Variants in NAALADL2 observed in about 807,000 individuals in gnomAD.
The protein encoded by NAALADL2 is N-acetylated alpha-linked acidic dipeptidase like 2, also known as inactive N-acetylated-alpha-linked acidic dipeptidase-like protein 2.
Under a neutral mutation model 87.2 loss-of-function variants are expected in NAALADL2, and 76 were observed. That is an observed-to-expected ratio of 0.87 (90% confidence interval 0.72 to 1.05). The LOEUF is 1.05. Ranked by LOEUF, NAALADL2 falls within the 50% of genes least tolerant of loss-of-function variation. The pLI, the probability that NAALADL2 is intolerant of heterozygous loss-of-function variation, is 0.00. For synonymous variants in NAALADL2, 354 were observed against 331.0 expected (o/e 1.07, Z -0.75); for missense variants, 1,089 against 945.8 (o/e 1.15, Z -1.99).
Position 175,366,428 on chromosome 3 carries a change from C to T in NAALADL2, c.1090+42103C>T, listed in dbSNP as rs575574489. Reference sequence around the variant, plus strand: ...TTCTAGTTCTAGATCCCTGAGAAATCGCCACACTGACTTCCACAACGGTTG... The same window carrying T: ...TTCTAGTTCTAGATCCCTGAGAAATTGCCACACTGACTTCCACAACGGTTG... On this transcript the variant is annotated intron_variant, in intron 5 of 13. Transcript: ENST00000454872. 3.7e-3 allele frequency among the ~76,000 whole-genome samples: 557 copies of T among 151,770 alleles called. 8 individuals are homozygous for T. The highest frequency in any genetic ancestry group is 0.027 in the Admixed American group (405 of 15,220).
rs545597679 is a variant in NAALADL2 at position 174,555,177 on chromosome 3, G to A, written c.-115+4540G>A. 2.9e-4 allele frequency among the ~76,000 whole-genome samples: 44 copies of A among 152,248 alleles called. 2 individuals carry two copies. Among genetic ancestry groups the A allele is most frequent in the East Asian group, 1.9e-4 (1 of 5,170 alleles). On this transcript the variant is annotated intron_variant, in intron 2 of 3. Coordinates refer to the NAALADL2 transcript ENST00000434257. ...AAATAGTATCTTTTCCTTACTCATT[G>A]CAAGTTTCATGGCTGATACCTCTAT...
Position 175,096,820 on chromosome 3 carries a change from C to G in NAALADL2, c.74C>G (p.Ala25Gly). ...AAGATGGCCTATCAGAAGGTCCATG[C>G]AGATCAAAGAGCTCCAGGACACTCA... ...GKKMAYQKVH[A>G]DQRAPGHSQY... The change falls in exon 2 of 14, where the codon GCA (alanine) becomes GGA (glycine). Residue 25 changes from alanine to glycine, a missense_variant. Ala to Gly is a moderately conservative substitution (Grantham distance 60). Transcript: ENST00000454872. The G allele has an allele frequency of 8.8e-6, 14 of 1,593,970 alleles. No individual in the cohort carries two copies. The highest frequency in any genetic ancestry group is 1.2e-5 in the Non-Finnish European group (14 of 1,170,690).
chr3:174,474,094 T>A (rs1483762357), intron 1 of NAALADL2, among the ~76,000 whole-genome samples: 1 of 152,146 alleles, frequency 6.6e-6, no homozygotes, highest in Non-Finnish European at 1.5e-5. Flanking sequence ...ATTATGGTAT[T>A]ACAATTCAAG....
chr3:175,505,243 G>A (rs1347126796), intron 9 of NAALADL2, among the ~76,000 whole-genome samples: 2 of 149,476 alleles, frequency 1.3e-5, no homozygotes, highest in Non-Finnish European at 3.0e-5. Context: ...CAGGCTGGGT[G>A]GCAAAGCAAG....
chr3:175,646,113 G>T (rs925614578), intron 11 of NAALADL2, among the ~76,000 whole-genome samples: 1 of 151,942 alleles, frequency 6.6e-6, no homozygotes, highest in Non-Finnish European at 1.5e-5. Flanking sequence ...AACCATTTAA[G>T]TCTCCATCTT....
intron 12 of NAALADL2, among the ~76,000 whole-genome samples, chr3:175,749,834 G>A (rs148133182): frequency 7.2e-5 from 11 of 152,258 alleles, no homozygotes; most frequent in African/African-American, 9.6e-5. Flanking sequence ...TGTAGTTAAC[G>A]GCCTTACGCA....
intron 1 of NAALADL2, among the ~76,000 whole-genome samples, chr3:175,009,332 A>G (rs73881598): frequency 0.024 from 3,611 of 152,262 alleles, 164 homozygotes; most frequent in African/African-American, 0.083. Context: ...TTATTGTGAG[A>G]CAATTGCCCA....
chr3:175,371,366 C>T (rs979453769), intron 5 of NAALADL2, among the ~76,000 whole-genome samples: 4 of 152,040 alleles, frequency 2.6e-5, no homozygotes, highest in African/African-American at 9.7e-5. Flanking sequence ...CCCCCGGGTT[C>T]TCGCCGTTCT....
chr3:174,663,974 G>A (rs1350697876), intron 2 of NAALADL2, among the ~76,000 whole-genome samples: 1 of 151,840 alleles, frequency 6.6e-6, no homozygotes, highest in African/African-American at 2.4e-5. Flanking sequence ...TTTTAGTAGA[G>A]AGGGGGGTTT....
intron 11 of NAALADL2, among the ~76,000 whole-genome samples, chr3:175,633,219 AT>A (rs1157162559): frequency 1.3e-5 from 2 of 152,112 alleles, no homozygotes; most frequent in African/African-American, 4.8e-5. Flanking sequence ...TTTCCGCTTC[AT>A]TTATGCCCAA....
At chr3:174,953,902 C>G (rs537162620) in intron 1 of NAALADL2, among the ~76,000 whole-genome samples, 2 of 152,014 alleles carry the variant, frequency 1.3e-5, no homozygotes, top group East Asian at 3.9e-4. Context: ...ACACTCCGTT[C>G]TCTGTCCTCA....
At chr3:174,476,587 A>G (rs1717231708) in intron 1 of NAALADL2, among the ~76,000 whole-genome samples, 2 of 152,044 alleles carry the variant, frequency 1.3e-5, no homozygotes, top group South Asian at 4.1e-4. Context: ...GTAAATACTC[A>G]GAAATAGGTA....
chr3:174,762,427 A>G (rs1713150091), intron 3 of NAALADL2, among the ~76,000 whole-genome samples: 1 of 148,564 alleles, frequency 6.7e-6, no homozygotes, highest in South Asian at 2.2e-4. Flanking sequence ...TGCTGGGATT[A>G]CAGGCGTGAG....
intron 2 of NAALADL2, among the ~76,000 whole-genome samples, chr3:174,692,604 G>A (rs545311645): frequency 5.3e-5 from 8 of 152,026 alleles, no homozygotes; most frequent in Admixed American, 2.0e-4. Context: ...GGGCCACTAT[G>A]GATATATTTC....
chr3:175,292,908 G>T (rs1393598243), intron 4 of NAALADL2, among the ~76,000 whole-genome samples: 1 of 151,712 alleles, frequency 6.6e-6, no homozygotes, highest in African/African-American at 2.4e-5. Flanking sequence ...TTGGTGGCAG[G>T]TGCCTGTAGT....
intron 1 of NAALADL2, among the ~76,000 whole-genome samples, chr3:174,976,914 C>T (rs1195453946): frequency 2.6e-5 from 4 of 152,118 alleles, no homozygotes; most frequent in Non-Finnish European, 4.4e-5. Flanking sequence ...ATATTGCTTC[C>T]GTATGTTTGG....
intron 1 of NAALADL2, among the ~76,000 whole-genome samples, chr3:174,977,528 CTT>C (rs1304045812): frequency 1.3e-5 from 2 of 152,174 alleles, no homozygotes; most frequent in Non-Finnish European, 2.9e-5. Context: ...GTACAAAATG[CTT>C]TTCCAAAGTA....
At chr3:174,478,557 T>G (rs1159015793) in intron 1 of NAALADL2, among the ~76,000 whole-genome samples, 1 of 152,146 alleles carries the variant, frequency 6.6e-6, no homozygotes, top group Admixed American at 6.6e-5. Flanking sequence ...ATAGCCTCAA[T>G]AGAATATATT....
At chr3:175,553,027 T>G (rs1300319701) in intron 9 of NAALADL2, among the ~76,000 whole-genome samples, 2 of 152,166 alleles carry the variant, frequency 1.3e-5, no homozygotes, top group Non-Finnish European at 2.9e-5. Context: ...ACCCTTTACT[T>G]TTTTGCCTTT....
Sources: allele counts gnomAD v4.1 joint callset (sites outside exome capture counted in the v4.1 genomes callset), GRCh38; gene constraint gnomAD v4.1.1; transcripts MANE v1.5; gene names NCBI Gene and HGNC (gene_info 2026-07-23, HGNC 2026-07-21).